The following SHISA9 variants were observed in gnomAD, a reference collection of about 807,000 sequenced individuals.
SHISA9 encodes the protein shisa family member 9.
A neutral mutation model predicts 38.0 loss-of-function variants in SHISA9; 13 were observed. That is an observed-to-expected ratio of 0.34 (90% CI 0.22 to 0.54). The LOEUF (loss-of-function observed/expected upper bound fraction) is 0.54. Ranked by LOEUF, SHISA9 falls within the 20% of genes least tolerant of loss-of-function variation. The probability of loss-of-function intolerance (pLI) is 0.91; values close to 1 mark genes in which losing one functional copy is unlikely to be tolerated. For missense variants in SHISA9, 538 were observed against 575.8 expected (o/e 0.93, Z 0.67); for synonymous variants, 275 against 242.0 (o/e 1.14, Z -1.27).
chr16:13,052,959 C>CTTTTTTTTTT (rs925020167), intron 2 of SHISA9, among the ~76,000 whole-genome samples: 25 of 106,070 alleles, frequency 2.4e-4, no homozygotes, highest in South Asian at 1.4e-3. Context: ...TCCTTCCTTT[C>CTTTTTTTTTT]TTTTTTTTTT....
rs867186154 is a variant in SHISA9, at chr16:12,909,622, C to G, written c.563+6995C>G. ...CTGGCCCTTGTGTGGCTGGTCCCTC[C>G]TCATCACCAGGGTCCCAGCTCCAAT... is the stretch of plus-strand genomic sequence containing the variant. On this transcript the variant is annotated intron_variant, in intron 1 of 4. Coordinates refer to ENST00000558583, the MANE Select transcript of SHISA9 (RefSeq NM_001145204.3). The G allele has an allele frequency of 1.2e-5, 12 of 985,064 alleles. 1 individual carries two copies. The African/African-American group carries it at 2.1e-4, about 17-fold the overall frequency. 61.0% of individuals were successfully genotyped at this position (985,064 alleles called of 1,614,324 possible).
At chr16:13,234,980 C>G (rs986462028) in intron 4 of SHISA9, 50 bp from the exon 5 acceptor site, 3 of 1,490,890 alleles carry the variant, frequency 2.0e-6, no homozygotes, top group Non-Finnish European at 2.7e-6. Flanking sequence ...CTCTCTCTCT[C>G]TCTCTCTTCT....
the SHISA9 span, among the ~76,000 whole-genome samples, chr16:13,264,534 G>A: frequency 4.6e-5 from 7 of 152,074 alleles, no homozygotes; most frequent in Non-Finnish European, 1.5e-5. Context: ...TCTGACCTCA[G>A]GATGAAGCAT....
the SHISA9 span, among the ~76,000 whole-genome samples, chr16:13,395,392 G>T: frequency 1.3e-5 from 2 of 152,188 alleles, no homozygotes; most frequent in Non-Finnish European, 2.9e-5. Context: ...AGCCCATAGG[G>T]CAAGAGTCTA....
intron 2 of SHISA9, among the ~76,000 whole-genome samples, chr16:13,162,374 C>T (rs1023615178): frequency 1.3e-5 from 2 of 152,108 alleles, no homozygotes; most frequent in East Asian, 1.9e-4. Flanking sequence ...CATTAAGGTA[C>T]AAATTAAACA....
At chr16:13,390,965 A>G in the SHISA9 span, among the ~76,000 whole-genome samples, 124,382 of 152,130 alleles carry the variant, frequency 0.82, 50,991 homozygotes, top group East Asian at 0.96. Context: ...TCTCCATTCC[A>G]ACCATGGCAA....
intron 2 of SHISA9, among the ~76,000 whole-genome samples, chr16:13,132,902 G>C (rs1025753196): frequency 3.9e-5 from 6 of 152,156 alleles, no homozygotes; most frequent in East Asian, 1.9e-4. Context: ...CCCATGACTG[G>C]GGTGGGGCCA....
chr16:12,950,255 C>T lies in SHISA9; in HGVS notation c.691+33440C>T, dbSNP rs147875071. On this transcript the variant is annotated intron_variant, in intron 2 of 4. Coordinates refer to ENST00000558583, the MANE Select transcript of SHISA9 (RefSeq NM_001145204.3). ...TCTGTGTATATATACCACATTTTCT[C>T]TATCCATTCTTTGGTGGACATTTAC... is the stretch of plus-strand genomic sequence containing the variant. 2.6e-3 allele frequency among the ~76,000 whole-genome samples: 397 copies of T among 152,330 alleles called. 1 individual carries two copies. Among genetic ancestry groups the T allele is most frequent in the African/African-American group, 9.0e-3 (375 of 41,580 alleles).
At chr16:13,087,108 C>T (rs1214867829) in intron 2 of SHISA9, among the ~76,000 whole-genome samples, 2 of 148,272 alleles carry the variant, frequency 1.3e-5, no homozygotes, top group Non-Finnish European at 3.0e-5. Context: ...ATCATGGTTT[C>T]CAGCTTCATC....
chr16:13,494,834 C>A, the SHISA9 span, among the ~76,000 whole-genome samples: 1 of 152,102 alleles, frequency 6.6e-6, no homozygotes, highest in Admixed American at 6.6e-5. Context: ...GCTTTATTCA[C>A]GATAGCAAAA....
At chr16:12,949,095 T>C (rs1050025896) in intron 2 of SHISA9, among the ~76,000 whole-genome samples, 5 of 152,306 alleles carry the variant, frequency 3.3e-5, no homozygotes, top group Non-Finnish European at 5.9e-5. Flanking sequence ...TGATAGGTAC[T>C]CAGTAGATAT....
chr16:13,363,036 T>C, the SHISA9 span, among the ~76,000 whole-genome samples: 2 of 152,350 alleles, frequency 1.3e-5, no homozygotes, highest in Middle Eastern at 3.4e-3. Flanking sequence ...CTATGTTTCA[T>C]TGAACTCAGA....
chr16:13,177,980 T>G (rs1454086627), intron 2 of SHISA9, among the ~76,000 whole-genome samples: 1 of 152,216 alleles, frequency 6.6e-6, no homozygotes, highest in East Asian at 1.9e-4. Flanking sequence ...GTTCATGTTT[T>G]GTAACTGAGG....
intron 2 of SHISA9, among the ~76,000 whole-genome samples, chr16:13,165,996 G>C (rs534360767): frequency 4.3e-4 from 65 of 152,266 alleles, no homozygotes; most frequent in African/African-American, 1.5e-3. Context: ...TAATTCGCCA[G>C]CTACTGAATT....
At chr16:13,263,084 T>A in the SHISA9 span, among the ~76,000 whole-genome samples, 7 of 152,218 alleles carry the variant, frequency 4.6e-5, no homozygotes, top group Non-Finnish European at 7.3e-5. Flanking sequence ...ATTTGTCTCA[T>A]GTCTTAAACC....
chr16:13,160,945 T>C lies in SHISA9; in HGVS notation c.692-42449T>C, dbSNP rs115995002. 3.4e-3 allele frequency among the ~76,000 whole-genome samples: 525 copies of C among 152,310 alleles called. 1 individual carries two copies. The highest frequency in any genetic ancestry group is 0.012 in the African/African-American group (504 of 41,576). On this transcript the variant is annotated intron_variant, in intron 2 of 4. Coordinates refer to ENST00000558583, the MANE Select transcript of SHISA9 (RefSeq NM_001145204.3). ...AGTAAATTCTTAGCCTCAGGGTAGA[T>C]ATTGGTATGAAATGACCCTAATTTT...
chr16:13,357,378 T>G, the SHISA9 span, among the ~76,000 whole-genome samples: 1 of 151,946 alleles, frequency 6.6e-6, no homozygotes, highest in South Asian at 2.1e-4. Flanking sequence ...AGAAAGAGGT[T>G]GAGGGATAGT....
intron 2 of SHISA9, among the ~76,000 whole-genome samples, chr16:13,123,347 C>T (rs960021629): frequency 5.3e-5 from 8 of 152,172 alleles, no homozygotes; most frequent in Non-Finnish European, 1.2e-4. Flanking sequence ...TTGGCTTGGG[C>T]CATGGGTGGC....
chr16:13,174,582 C>G (rs1411866121), intron 2 of SHISA9, among the ~76,000 whole-genome samples: 1 of 152,172 alleles, frequency 6.6e-6, no homozygotes, highest in African/African-American at 2.4e-5. Context: ...GAAAGAATCT[C>G]CAGGACTGGA....
Sources: allele counts gnomAD v4.1 joint callset (sites outside exome capture counted in the v4.1 genomes callset), GRCh38; gene constraint gnomAD v4.1.1; transcripts MANE v1.5; gene names NCBI Gene and HGNC (gene_info 2026-07-23, HGNC 2026-07-21).